EVI5: variants seen among roughly 807,000 people sequenced by gnomAD.
The protein encoded by EVI5 is ecotropic viral integration site 5.
In EVI5, 73 loss-of-function variants were observed where a neutral mutation model predicts 112.0. That is an observed-to-expected ratio of 0.65 (90% confidence interval 0.54 to 0.79). EVI5 has a LOEUF of 0.79. Ranked by LOEUF, EVI5 falls within the 30% of genes least tolerant of loss-of-function variation. The pLI, the probability that EVI5 is intolerant of heterozygous loss-of-function variation, is 0.00. For synonymous variants in EVI5, 305 were observed against 319.9 expected (o/e 0.95, Z 0.50); for missense variants, 900 against 968.8 (o/e 0.93, Z 0.94).
intron 9 of EVI5, among the ~76,000 whole-genome samples, chr1:92,678,730 C>T (rs1667132137): frequency 6.6e-6 from 1 of 152,048 alleles, no homozygotes; most frequent in South Asian, 2.1e-4. Context: ...CAAAAAATAT[C>T]AATACCAAGG....
intron 13 of EVI5, among the ~76,000 whole-genome samples, chr1:92,661,402 TAA>T (rs1300737772): frequency 1.3e-5 from 2 of 152,118 alleles, no homozygotes; most frequent in East Asian, 1.9e-4. Flanking sequence ...CATCTATCAA[TAA>T]GTCTCAATAT....
chr1:92,623,445 A>G (rs1376198003), intron 16 of EVI5, among the ~76,000 whole-genome samples: 1 of 152,264 alleles, frequency 6.6e-6, no homozygotes, highest in Non-Finnish European at 1.5e-5. Flanking sequence ...GAGTATAAGA[A>G]TATGGTCCAA....
chr1:92,548,450 C>T (rs931554368), intron 19 of EVI5, among the ~76,000 whole-genome samples: 36 of 152,130 alleles, frequency 2.4e-4, no homozygotes, highest in African/African-American at 8.2e-4. Context: ...GACAGGGATG[C>T]CCTCTCACCA....
At chr1:92,627,550 G>T (rs1655952120) in intron 14 of EVI5, among the ~76,000 whole-genome samples, 1 of 152,192 alleles carries the variant, frequency 6.6e-6, no homozygotes, top group Non-Finnish European at 1.5e-5. Context: ...CCAGTAGTGG[G>T]ATTGCTGGAT....
At chr1:92,589,871 G>A (rs184707866) in intron 18 of EVI5, among the ~76,000 whole-genome samples, 1 of 152,014 alleles carries the variant, frequency 6.6e-6, no homozygotes, top group African/African-American at 2.4e-5. Flanking sequence ...CCCCCCGTAT[G>A]GGCAGACTGA....
chr1:92,541,441 A>G (rs1293874829), intron 19 of EVI5, among the ~76,000 whole-genome samples: 1 of 152,156 alleles, frequency 6.6e-6, no homozygotes, highest in Non-Finnish European at 1.5e-5. Flanking sequence ...ATGAGATACT[A>G]CTTAATCGAA....
At chr1:92,656,512 A>G (rs1486262188) in intron 13 of EVI5, among the ~76,000 whole-genome samples, 2 of 152,006 alleles carry the variant, frequency 1.3e-5, no homozygotes, top group African/African-American at 4.8e-5. Flanking sequence ...TAAAGCAAGC[A>G]GAAGAACAGA....
chr1:92,785,122 G>A (rs1490796410), upstream of EVI5: 7 of 985,352 alleles, frequency 7.1e-6, no homozygotes, highest in Non-Finnish European at 8.4e-6. Context: ...GCGCAGGCGC[G>A]GGAGGGCCTT....
At chr1:92,752,570 G>A (rs1231538385) in intron 1 of EVI5, among the ~76,000 whole-genome samples, 1 of 152,074 alleles carries the variant, frequency 6.6e-6, no homozygotes, top group Non-Finnish European at 1.5e-5. Context: ...CAATCGGAGT[G>A]CTAAGCACAG....
At chr1:92,761,782 A>G (rs1389573984) in intron 1 of EVI5, among the ~76,000 whole-genome samples, 2 of 152,190 alleles carry the variant, frequency 1.3e-5, no homozygotes, top group African/African-American at 2.4e-5. Flanking sequence ...AGTTCCAGTA[A>G]GATTTAAGGT....
intron 18 of EVI5, among the ~76,000 whole-genome samples, chr1:92,601,089 C>A (rs1048981930): frequency 2.0e-5 from 3 of 152,106 alleles, no homozygotes; most frequent in Non-Finnish European, 2.9e-5. Context: ...CATGAGCAGG[C>A]AAATACTGAA....
At chr1:92,615,004 A>G (rs1652785909) in intron 16 of EVI5, among the ~76,000 whole-genome samples, 1 of 151,476 alleles carries the variant, frequency 6.6e-6, no homozygotes, top group Non-Finnish European at 1.5e-5. Context: ...GGAGTTCTTA[A>G]ATTGGTTTGG....
chr1:92,773,472 C>T (rs1683712829), intron 1 of EVI5, among the ~76,000 whole-genome samples: 1 of 152,062 alleles, frequency 6.6e-6, no homozygotes. Flanking sequence ...GACTGGGCAA[C>T]AGAGCAAGAC....
At chr1:92,539,371 G>A (rs923232114) in intron 19 of EVI5, among the ~76,000 whole-genome samples, 9 of 151,914 alleles carry the variant, frequency 5.9e-5, no homozygotes, top group South Asian at 2.1e-4. Context: ...GTGAAACCCC[G>A]TCTCTACTAA....
chr1:92,574,959 C>T (rs1453118678), intron 18 of EVI5, among the ~76,000 whole-genome samples: 2 of 152,122 alleles, frequency 1.3e-5, no homozygotes, highest in Non-Finnish European at 2.9e-5. Flanking sequence ...CACAATTGGA[C>T]AGGTTGCTTA....
chr1:92,730,732 AT>A, intron 2 of EVI5, among the ~76,000 whole-genome samples: 1 of 151,696 alleles, frequency 6.6e-6, no homozygotes, highest in Middle Eastern at 3.4e-3. Flanking sequence ...CAAAGGCCAT[AT>A]CCAAAAAATA....
intron 18 of EVI5, among the ~76,000 whole-genome samples, chr1:92,587,877 C>T (rs1463978263): frequency 6.6e-6 from 1 of 152,152 alleles, no homozygotes; most frequent in Admixed American, 6.5e-5. Context: ...AACATAGTTA[C>T]AAAAATCAAT....
At chr1:92,685,041 T>A (rs948641045) in intron 9 of EVI5, among the ~76,000 whole-genome samples, 1 of 152,000 alleles carries the variant, frequency 6.6e-6, no homozygotes, top group Non-Finnish European at 1.5e-5. Context: ...AACTCAGCTC[T>A]GGACCAAGCA....
intron 19 of EVI5, among the ~76,000 whole-genome samples, chr1:92,516,971 C>A (rs748685019): frequency 3.2e-4 from 48 of 152,040 alleles, no homozygotes; most frequent in Admixed American, 5.2e-4. Context: ...CACTAGTCAT[C>A]TGCATAAGAA....
Sources: gnomAD v4.1 joint callset for allele counts (sites outside exome capture counted in the v4.1 genomes callset) on GRCh38, gnomAD v4.1.1 for gene constraint, MANE v1.5 for transcripts, NCBI Gene and HGNC (gene_info 2026-07-23, HGNC 2026-07-21) for gene names.